CRACR2A: variants seen among roughly 807,000 people sequenced by gnomAD.
CRACR2A encodes calcium release activated channel regulator 2A, also known as EF-hand calcium-binding domain-containing protein 4B.
In CRACR2A, 79 loss-of-function variants were observed where a neutral mutation model predicts 90.5. That is an observed-to-expected ratio of 0.87 (90% CI 0.73 to 1.05). The LOEUF (loss-of-function observed/expected upper bound fraction) is 1.05. Ranked by LOEUF, CRACR2A falls within the 50% of genes least tolerant of loss-of-function variation. CRACR2A has a pLI of 0.00. For missense variants in CRACR2A, 823 were observed against 897.2 expected (o/e 0.92, Z 1.06); for synonymous variants, 338 against 356.7 (o/e 0.95, Z 0.59).
At chr12:3,646,788 TCCTGCTTTGTGGCTTCCTGCTTTATG>T (rs543915333) in intron 11 of CRACR2A, among the ~76,000 whole-genome samples, 1 of 152,328 alleles carries the variant, frequency 6.6e-6, no homozygotes, top group Admixed American at 6.5e-5. Flanking sequence ...CTGCATTGTT[TCCTGCTTTGTGGCTTCCTGCTTTATG>T]GGGATGTAGC....
At chr12:3,649,239 GATAAATAAATAAATAA>G (rs367646184) in intron 10 of CRACR2A, among the ~76,000 whole-genome samples, 1 of 148,996 alleles carries the variant, frequency 6.7e-6, no homozygotes. Context: ...ACAATAATAA[GATAAATAAATAAATAA>G]ATAAATAAAT....
chr12:3,709,964 T>C (rs1044586391), intron 3 of CRACR2A, among the ~76,000 whole-genome samples: 3 of 152,248 alleles, frequency 2.0e-5, no homozygotes, highest in Non-Finnish European at 4.4e-5. Flanking sequence ...AGATATAATA[T>C]GATTGAACCA....
In CRACR2A at chr12:3,638,258, G is replaced by T. The variant is rs1565467893; in HGVS notation, c.1468C>A (p.Pro490Thr). The T allele has an allele frequency of 4.5e-6, 7 of 1,551,700 alleles. No individual in the cohort carries two copies. The highest frequency in any genetic ancestry group is 3.5e-6 in the Non-Finnish European group (4 of 1,146,990). Reference protein sequence around the residue: ...PQLLDGGFEQPLSKCSEEEEV... With the variant: ...PQLLDGGFEQTLSKCSEEEEV... ...TCCTCTTCTGAGCATTTGCTCAGGG[G>T]TTGCTCAAAGCCACCATCCAGGAGC... The change falls in exon 14 of 20, where the codon CCC becomes ACC. Residue 490 changes from proline (P) to threonine (T), a missense_variant. Coordinates refer to ENST00000440314, the MANE Select transcript of CRACR2A (RefSeq NM_001144958.2).
chr12:3,737,796 T>C (rs1228272182), intron 1 of CRACR2A, among the ~76,000 whole-genome samples: 1 of 152,216 alleles, frequency 6.6e-6, no homozygotes, highest in African/African-American at 2.4e-5. Flanking sequence ...GAAGAACACA[T>C]ATCCTTTGAA....
intron 18 of CRACR2A, among the ~76,000 whole-genome samples, chr12:3,618,293 C>T (rs934897881): frequency 5.9e-5 from 9 of 151,752 alleles, no homozygotes; most frequent in African/African-American, 2.2e-4. Context: ...TATATAATAC[C>T]CTCAGTGGAT....
At chr12:3,677,209 T>C (rs1332106041) in intron 6 of CRACR2A, among the ~76,000 whole-genome samples, 1 of 152,214 alleles carries the variant, frequency 6.6e-6, no homozygotes, top group Non-Finnish European at 1.5e-5. Context: ...ACAAATCATT[T>C]TGGTGAGCAA....
Position 3,644,607 on chromosome 12 carries a change from G to A in CRACR2A, c.1152C>T (p.Asp384=), listed in dbSNP as rs1030549576. The change falls in exon 12 of 20, where the codon GAC becomes GAT. Residue 384 remains aspartate (D), a synonymous_variant. Transcript: ENST00000440314. The part of the protein sequence containing the change: ...ERNKHLRDER[D]ICFQKNKAAK... ...ACTGGCCAATTACCTGAAAACATAT[G>A]TCCCGTTCATCCCGAAGGTGCTTGT... is the stretch of plus-strand genomic sequence containing the variant. 3.2e-6 allele frequency: 5 copies of A among 1,551,458 alleles called. No homozygotes were observed. In the African/African-American group the frequency reaches 6.8e-5, roughly 21 times the overall value.
chr12:3,661,985 C>T (rs1203739150), intron 7 of CRACR2A, among the ~76,000 whole-genome samples: 2 of 152,130 alleles, frequency 1.3e-5, no homozygotes, highest in Non-Finnish European at 2.9e-5. Context: ...TAAATTAACA[C>T]ACTCTAAGTT....
chr12:3,737,118 A>G (rs922759662), intron 1 of CRACR2A, among the ~76,000 whole-genome samples: 1 of 152,230 alleles, frequency 6.6e-6, no homozygotes, highest in Admixed American at 6.5e-5. Context: ...AGGGCTTGCT[A>G]TAGGGAGCCC....
At chr12:3,700,076 G>A (rs183816137) in intron 3 of CRACR2A, among the ~76,000 whole-genome samples, 1 of 152,234 alleles carries the variant, frequency 6.6e-6, no homozygotes, top group East Asian at 1.9e-4. Context: ...CCTTAAGCAG[G>A]GGCAGGACTA....
At chr12:3,701,972 A>T (rs971193011) in intron 3 of CRACR2A, among the ~76,000 whole-genome samples, 2 of 152,208 alleles carry the variant, frequency 1.3e-5, no homozygotes, top group Admixed American at 6.5e-5. Flanking sequence ...AATCCTGACC[A>T]ACCAGGGTTT....
At chr12:3,723,045 T>C (rs114907679) in intron 2 of CRACR2A, among the ~76,000 whole-genome samples, 72 of 152,334 alleles carry the variant, frequency 4.7e-4, no homozygotes, top group African/African-American at 1.7e-3. Flanking sequence ...AACTTTGTAC[T>C]CCTCCTTAGC....
chr12:3,633,969 G>A lies in CRACR2A; in HGVS notation c.1603-233C>T, dbSNP rs898486319. On this transcript the variant is annotated intron_variant, in intron 14 of 19. Transcript: ENST00000440314. This position sits in a 1 kb window ranked among gnomAD's most constrained non-coding sequence, Gnocchi z 4.5. ...AGGAAGGAGAAACAGCCACCCAAGC[G>A]ACATTTGCTGTCTGCCTCCTGTGGC... 2.0e-5 allele frequency among the ~76,000 whole-genome samples: 3 copies of A among 152,206 alleles called. No homozygotes were observed. Among genetic ancestry groups the A allele is most frequent in the African/African-American group, 2.4e-5 (1 of 41,450 alleles).
intron 5 of CRACR2A, among the ~76,000 whole-genome samples, chr12:3,679,970 G>T (rs150490013): frequency 3.2e-3 from 482 of 152,246 alleles, no homozygotes; most frequent in African/African-American, 0.01. Context: ...CAGAGCTTCC[G>T]TCCATCTCCC....
At chr12:3,721,492 G>A (rs1946174160) in intron 2 of CRACR2A, among the ~76,000 whole-genome samples, 1 of 151,356 alleles carries the variant, frequency 6.6e-6, no homozygotes, top group South Asian at 2.1e-4. Context: ...TACTTGGGAG[G>A]CTCTCTTGAA....
At chr12:3,650,577 G>A (rs993825866) in intron 10 of CRACR2A, among the ~76,000 whole-genome samples, 3 of 152,122 alleles carry the variant, frequency 2.0e-5, no homozygotes, top group African/African-American at 7.2e-5. Context: ...AGAGCTGCCC[G>A]CTCCCGACTC....
At chr12:3,623,161 C>G (rs758981872) in intron 17 of CRACR2A, among the ~76,000 whole-genome samples, 1 of 152,220 alleles carries the variant, frequency 6.6e-6, no homozygotes, top group African/African-American at 2.4e-5. Context: ...GCAAAGCCCT[C>G]GCTTCTAGAT....
At chr12:3,624,011 G>A (rs866413035) in intron 17 of CRACR2A, among the ~76,000 whole-genome samples, 20 of 152,306 alleles carry the variant, frequency 1.3e-4, no homozygotes, top group African/African-American at 4.8e-4. Flanking sequence ...TTGGTCTGCT[G>A]CCTTGTTGAA....
chr12:3,715,584 A>G (rs1188502772), intron 2 of CRACR2A, among the ~76,000 whole-genome samples: 1 of 152,260 alleles, frequency 6.6e-6, no homozygotes, highest in Non-Finnish European at 1.5e-5. Context: ...CCAAGTCCAC[A>G]TATGATTGTC....
Sources: gnomAD v4.1 joint callset for allele counts (sites outside exome capture counted in the v4.1 genomes callset) on GRCh38, gnomAD v4.1.1 for gene constraint, Gnocchi (gnomAD v3.1) non-coding constraint, MANE v1.5 for transcripts, NCBI Gene and HGNC (gene_info 2026-07-23, HGNC 2026-07-21) for gene names.